Variants in DNM3 observed in about 807,000 individuals in gnomAD.
DNM3 encodes dynamin 3.
DNM3 carries 47 observed loss-of-function variants against 101.6 expected under a neutral mutation model. That is an observed-to-expected ratio of 0.46 (90% CI 0.37 to 0.59). The LOEUF (loss-of-function observed/expected upper bound fraction) is 0.59, where lower values mean the gene tolerates loss of function less well. Ranked by LOEUF, DNM3 falls within the 20% of genes least tolerant of loss-of-function variation. DNM3 has a pLI of 0.00. For missense variants in DNM3, 849 were observed against 1,085.7 expected (o/e 0.78, Z 3.06); for synonymous variants, 385 against 387.9 (o/e 0.99, Z 0.09).
At chr1:172,005,539 T>C (rs2046631336) in intron 4 of DNM3, among the ~76,000 whole-genome samples, 1 of 152,022 alleles carries the variant, frequency 6.6e-6, no homozygotes, top group Non-Finnish European at 1.5e-5. Context: ...TAAGGCTCCT[T>C]GCACATTGAT....
intron 14 of DNM3, among the ~76,000 whole-genome samples, chr1:172,156,082 G>A (rs1229460605): frequency 6.6e-6 from 1 of 152,032 alleles, no homozygotes; most frequent in Non-Finnish European, 1.5e-5. Context: ...AGGGATGTTG[G>A]AGGACTATAT....
At chr1:171,990,336 T>C (rs1279817874) in intron 4 of DNM3, among the ~76,000 whole-genome samples, 3 of 152,182 alleles carry the variant, frequency 2.0e-5, no homozygotes, top group African/African-American at 7.2e-5. Flanking sequence ...CAGGGATTCA[T>C]TGACCAGTGG....
chr1:171,987,885 A>T, intron 3 of DNM3, 80 bp downstream of exon 3: 2 of 1,312,804 alleles, frequency 1.5e-6, no homozygotes, highest in Non-Finnish European at 2.0e-6. Context: ...TTTGTACAGA[A>T]GATACAAATA....
At chr1:172,264,528 G>A (rs778442905) in intron 15 of DNM3, among the ~76,000 whole-genome samples, 19 of 152,126 alleles carry the variant, frequency 1.2e-4, no homozygotes, top group Non-Finnish European at 1.9e-4. Flanking sequence ...CTTTAGATGA[G>A]GTTACGCTTG....
chr1:171,904,394 A>G (rs1423595621), intron 1 of DNM3, among the ~76,000 whole-genome samples: 1 of 152,190 alleles, frequency 6.6e-6, no homozygotes, highest in Non-Finnish European at 1.5e-5. Context: ...CATACAATCC[A>G]TCCTTGGGGA....
chr1:172,003,206 T>C (rs1236690093), intron 4 of DNM3, among the ~76,000 whole-genome samples: 1 of 152,044 alleles, frequency 6.6e-6, no homozygotes, highest in Non-Finnish European at 1.5e-5. Context: ...ATGATGACTT[T>C]AGTGTTACAG....
At chr1:172,096,468 A>T (rs1473118080) in intron 13 of DNM3, among the ~76,000 whole-genome samples, 1 of 152,200 alleles carries the variant, frequency 6.6e-6, no homozygotes, top group African/African-American at 2.4e-5. Flanking sequence ...TTTGAGGAAA[A>T]GCTGATGAAT....
downstream of DNM3, among the ~76,000 whole-genome samples, chr1:172,414,869 G>A (rs1250949500): frequency 1.4e-5 from 2 of 147,754 alleles, no homozygotes; most frequent in South Asian, 2.2e-4. Flanking sequence ...AAGAGTTTGA[G>A]ACCGGATTGG....
intron 1 of DNM3, among the ~76,000 whole-genome samples, chr1:171,914,914 C>A (rs1176256504): frequency 6.6e-6 from 1 of 150,816 alleles, no homozygotes; most frequent in Non-Finnish European, 1.5e-5. Flanking sequence ...TAGGTAGAGA[C>A]ATGTGGGGGT....
intron 14 of DNM3, among the ~76,000 whole-genome samples, chr1:172,251,526 G>T (rs1380411589): frequency 2.0e-5 from 3 of 152,038 alleles, no homozygotes; most frequent in Non-Finnish European, 2.9e-5. Context: ...TGGGATAAAT[G>T]ACATTTAGTA....
At chr1:171,911,594 A>C (rs551897944) in intron 1 of DNM3, among the ~76,000 whole-genome samples, 2 of 152,220 alleles carry the variant, frequency 1.3e-5, no homozygotes, top group East Asian at 3.9e-4. Flanking sequence ...CTAGCATCTT[A>C]AAATAGTGAA....
At chr1:172,064,025 T>C (rs2051459490) in intron 10 of DNM3, among the ~76,000 whole-genome samples, 1 of 152,164 alleles carries the variant, frequency 6.6e-6, no homozygotes, top group African/African-American at 2.4e-5. Context: ...CAAGACTATG[T>C]GGTTTCTAAT....
At chr1:172,293,825 T>C (rs1045531245) in intron 15 of DNM3, among the ~76,000 whole-genome samples, 7 of 152,116 alleles carry the variant, frequency 4.6e-5, no homozygotes, top group African/African-American at 1.7e-4. Context: ...AAAAAAAAAT[T>C]AAGATTTTCC....
chr1:171,891,683 T>C (rs2037297371), intron 1 of DNM3, among the ~76,000 whole-genome samples: 1 of 152,218 alleles, frequency 6.6e-6, no homozygotes. Flanking sequence ...TACCTCTTAA[T>C]TGAGATTTCT....
rs548433337 is a variant in DNM3 at position 172,323,590 on chromosome 1, T to A, written c.1893+250T>A. Among the ~76,000 whole-genome samples, 33 of 152,290 alleles carry A rather than the reference T, an allele frequency of 2.2e-4. No homozygotes were observed. The East Asian group carries it at 6.4e-3, about 29-fold the overall frequency. On this transcript the variant is annotated intron_variant, in intron 17 of 20. Transcript: ENST00000627582. Reference sequence around the variant, plus strand: ...AATGGCTAGTTCAGAGAGGTTGACATTATAAGGAAAGAGCTCCCACACTAA... The same window carrying A: ...AATGGCTAGTTCAGAGAGGTTGACAATATAAGGAAAGAGCTCCCACACTAA...
At chr1:171,915,026 A>T (rs1177112230) in intron 1 of DNM3, among the ~76,000 whole-genome samples, 1 of 152,200 alleles carries the variant, frequency 6.6e-6, no homozygotes, top group East Asian at 1.9e-4. Flanking sequence ...AAGAGCACAG[A>T]TGCGCACAGA....
At chr1:171,938,201 C>A (rs561556377) in intron 2 of DNM3, among the ~76,000 whole-genome samples, 1 of 152,278 alleles carries the variant, frequency 6.6e-6, no homozygotes, top group East Asian at 1.9e-4. Context: ...GACACCAGCA[C>A]CCCTGGCTGT....
chr1:172,287,686 C>T (rs2148807854), intron 15 of DNM3, among the ~76,000 whole-genome samples: 1 of 151,928 alleles, frequency 6.6e-6, no homozygotes, highest in South Asian at 2.1e-4. Flanking sequence ...TACTTTGAGA[C>T]AACAGGCAAC....
intron 12 of DNM3, 100 bp downstream of exon 12, chr1:172,082,002 A>C: frequency 1.6e-6 from 2 of 1,246,170 alleles, no homozygotes; most frequent in South Asian, 1.3e-5. Context: ...TTGAGAATAC[A>C]ATCTGTGCCA....
Sources: gnomAD v4.1 joint callset for allele counts (sites outside exome capture counted in the v4.1 genomes callset) on GRCh38, gnomAD v4.1.1 for gene constraint, MANE v1.5 for transcripts, NCBI Gene and HGNC (gene_info 2026-07-23, HGNC 2026-07-21) for gene names.